CDKN2B-AS1: variants seen among roughly 807,000 people sequenced by gnomAD.
CDKN2B-AS1 encodes CDKN2B and CDKN2A antisense cis and trans regulatory RNA 1.
chr9:22,008,711 G>C (rs1358186223), intron 1 of CDKN2B-AS1: 1 of 1,611,414 alleles, frequency 6.2e-7, no homozygotes. Context: ...AATCTACATC[G>C]GCGATCTAGG....
At chr9:22,102,468 T>G (rs996433566) in intron 4 of CDKN2B-AS1, among the ~76,000 whole-genome samples, 2 of 152,174 alleles carry the variant, frequency 1.3e-5, no homozygotes, top group Non-Finnish European at 2.9e-5. Flanking sequence ...GATTTTAGTC[T>G]GTCCAAGAGC....
Position 22,100,181 on chromosome 9 carries a change from A to T in CDKN2B-AS1, n.439-26922A>T, listed in dbSNP as rs1182766116. Reference sequence around the variant, plus strand: ...TATTGAGGTATAACTTCCACGGTATAATTTCACCCATTTTAAGTGCATGAA... The same window carrying T: ...TATTGAGGTATAACTTCCACGGTATTATTTCACCCATTTTAAGTGCATGAA... On this transcript the variant is annotated intron_variant and non_coding_transcript_variant, in intron 4 of 4. Transcript: ENST00000650946. 5.3e-5 allele frequency among the ~76,000 whole-genome samples: 8 copies of T among 152,144 alleles called. No individual in the cohort carries two copies. In the South Asian group the frequency reaches 1.7e-3, roughly 32 times the overall value.
chr9:22,042,887 T>G (rs76420025), intron 1 of CDKN2B-AS1, among the ~76,000 whole-genome samples: 3 of 152,254 alleles, frequency 2.0e-5, no homozygotes, highest in East Asian at 3.9e-4. Context: ...ATCCTTAATA[T>G]GTATGACTGA....
intron 4 of CDKN2B-AS1, among the ~76,000 whole-genome samples, chr9:22,082,826 T>C (rs918192315): frequency 6.6e-6 from 1 of 152,150 alleles, no homozygotes; most frequent in Non-Finnish European, 1.5e-5. Context: ...CAAATTAGAC[T>C]ATTTCCATTT....
chr9:22,033,383 A>G (rs965264805), intron 1 of CDKN2B-AS1, among the ~76,000 whole-genome samples: 1 of 152,164 alleles, frequency 6.6e-6, no homozygotes, highest in East Asian at 1.9e-4. Flanking sequence ...AATTTGAATC[A>G]CAATTTCCTC....
At chr9:22,089,072 T>C (rs1203933112) in intron 4 of CDKN2B-AS1, among the ~76,000 whole-genome samples, 1 of 152,206 alleles carries the variant, frequency 6.6e-6, no homozygotes, top group Non-Finnish European at 1.5e-5. Flanking sequence ...TGAGGGTCCA[T>C]GAGTTTTAAA....
chr9:22,018,988 G>C (rs940379634), intron 1 of CDKN2B-AS1, among the ~76,000 whole-genome samples: 5 of 152,168 alleles, frequency 3.3e-5, no homozygotes, highest in Non-Finnish European at 7.3e-5. Context: ...CAGTATTATA[G>C]AAAATTAACT....
chr9:22,064,392 G>C (rs8181050), intron 4 of CDKN2B-AS1, among the ~76,000 whole-genome samples: 1 of 151,840 alleles, frequency 6.6e-6, no homozygotes. Context: ...GAAAATGTTG[G>C]GCTTATTGGG....
intron 4 of CDKN2B-AS1, among the ~76,000 whole-genome samples, chr9:22,079,250 G>T (rs1375245152): frequency 6.6e-6 from 1 of 152,182 alleles, no homozygotes; most frequent in Non-Finnish European, 1.5e-5. Context: ...TTGGGAAGCC[G>T]AGGCGGGAGG....
At position 21,999,491 on chromosome 9, in the gene CDKN2B-AS1, C is replaced by CAT. The variant is rs932881864; in HGVS notation, n.29+4338_29+4339dup. ...ATGGGAAGATGTATACACATGTACACATATATATACATACATATGTATATA... is the reference window on the plus strand; with the variant it reads ...ATGGGAAGATGTATACACATGTACACATATATATATACATACATATGTATATA... On this transcript the variant is annotated intron_variant and non_coding_transcript_variant, in intron 1 of 4. Transcript: ENST00000650946. The surrounding 1 kb of genome is among the most constrained non-coding windows in gnomAD (Gnocchi z 4.7). Among the ~76,000 whole-genome samples the CAT allele has an allele frequency of 2.6e-5, 4 of 151,722 alleles. No homozygotes were observed. The highest frequency in any genetic ancestry group is 2.1e-4 in the South Asian group (1 of 4,822).
chr9:22,068,872 C>T (rs961615754), intron 4 of CDKN2B-AS1, among the ~76,000 whole-genome samples: 1 of 152,148 alleles, frequency 6.6e-6, no homozygotes, highest in East Asian at 1.9e-4. Context: ...AAGTAGTAGC[C>T]ACATCCAAGT....
At chr9:22,061,255 T>C (rs963331368) in intron 4 of CDKN2B-AS1, among the ~76,000 whole-genome samples, 1 of 152,214 alleles carries the variant, frequency 6.6e-6, no homozygotes, top group Admixed American at 6.5e-5. Context: ...TTTCTGGAAC[T>C]CTGAGAACAA....
intron 4 of CDKN2B-AS1, among the ~76,000 whole-genome samples, chr9:22,056,577 C>T (rs1355157311): frequency 6.6e-6 from 1 of 152,104 alleles, no homozygotes; most frequent in East Asian, 1.9e-4. Context: ...CTGCTTACTC[C>T]AGAGTCACCA....
rs35998780 is a variant in CDKN2B-AS1, at chr9:22,098,157, CTGTGTGTG to C, written n.439-28924_439-28917del. Among the ~76,000 whole-genome samples, 1,083 of 146,108 alleles carry C rather than the reference CTGTGTGTG, an allele frequency of 7.4e-3. 12 individuals are homozygous for C. The highest frequency in any genetic ancestry group is 0.025 in the African/African-American group (1,029 of 40,590). Reference sequence around the variant, plus strand: ...ATGGAATATCTTTCTCTCTCTGTCTCTGTGTGTGTGTGTGTGTGTGTGTGTGTGTATTT... The same window carrying C: ...ATGGAATATCTTTCTCTCTCTGTCTCTGTGTGTGTGTGTGTGTGTGTATTT... On this transcript the variant is annotated intron_variant and non_coding_transcript_variant, in intron 4 of 4. Transcript: ENST00000650946.
intron 4 of CDKN2B-AS1, among the ~76,000 whole-genome samples, chr9:22,108,728 C>A (rs1295202827): frequency 2.0e-5 from 3 of 152,144 alleles, no homozygotes; most frequent in Non-Finnish European, 4.4e-5. Context: ...TTGTCCATTT[C>A]CAATGAAACT....
At chr9:22,114,379 G>A (rs72654251) in intron 4 of CDKN2B-AS1, among the ~76,000 whole-genome samples, 363 of 152,304 alleles carry the variant, frequency 2.4e-3, no homozygotes, top group Admixed American at 3.6e-3. Context: ...AGAGAAAGAT[G>A]TTAAGATGAA....
intron 4 of CDKN2B-AS1, among the ~76,000 whole-genome samples, chr9:22,123,968 A>C (rs7854016): frequency 0.051 from 7,826 of 152,328 alleles, 677 homozygotes; most frequent in African/African-American, 0.18. Context: ...AAAACAAAGC[A>C]AATTGCAGGC....
chr9:21,997,354 C>T lies in CDKN2B-AS1; in HGVS notation n.29+2193C>T, dbSNP rs543110034. Among the ~76,000 whole-genome samples the T allele has an allele frequency of 2.0e-5, 3 of 152,212 alleles. No homozygotes were observed. The highest frequency in any genetic ancestry group is 6.5e-5 in the Admixed American group (1 of 15,292). ...CCATTATAATCTTATGGGACACCAC[C>T]AATATGTGACTGTGGTTGACTGAAG... On this transcript the variant is annotated intron_variant and non_coding_transcript_variant, in intron 1 of 4. Transcript: ENST00000650946. This position sits in a 1 kb window ranked among gnomAD's most constrained non-coding sequence, Gnocchi z 4.8.
chr9:22,077,021 G>A (rs1462137518), intron 4 of CDKN2B-AS1, among the ~76,000 whole-genome samples: 1 of 152,044 alleles, frequency 6.6e-6, no homozygotes, highest in Non-Finnish European at 1.5e-5. Flanking sequence ...TGGCAGGTTG[G>A]GCATTAGATC....
Sources: allele counts gnomAD v4.1 joint callset (sites outside exome capture counted in the v4.1 genomes callset), GRCh38; gene constraint gnomAD v4.1.1; non-coding constraint Gnocchi (gnomAD v3.1); transcripts MANE v1.5; gene names NCBI Gene and HGNC (gene_info 2026-07-23, HGNC 2026-07-21).